Variants in CFAP58 observed in about 807,000 individuals in gnomAD.
CFAP58 encodes cilia- and flagella-associated protein 58.
In CFAP58, 88 loss-of-function variants were observed where a neutral mutation model predicts 119.5. That is an observed-to-expected ratio of 0.74 (90% CI 0.62 to 0.88). The LOEUF (loss-of-function observed/expected upper bound fraction) is 0.88, where lower values mean the gene tolerates loss of function less well. Ranked by LOEUF, CFAP58 falls within the 40% of genes least tolerant of loss-of-function variation. The pLI is 0.00. For synonymous variants in CFAP58, 365 were observed against 366.3 expected, an observed-to-expected ratio of 1.00 and a Z score of 0.04; for missense variants, 990 against 1,021.2, an observed-to-expected ratio of 0.97 and a Z score of 0.42.
chr10:104,350,993 G>A (rs1003291253), upstream of CFAP58, among the ~76,000 whole-genome samples: 1 of 152,150 alleles, frequency 6.6e-6, no homozygotes, highest in Non-Finnish European at 1.5e-5. Flanking sequence ...GGCCCTCTAG[G>A]TCTTTATTTT....
At chr10:104,424,860 T>C (rs543570164) in intron 15 of CFAP58, among the ~76,000 whole-genome samples, 1 of 152,262 alleles carries the variant, frequency 6.6e-6, no homozygotes, top group South Asian at 2.1e-4. Flanking sequence ...AAAGAGGACA[T>C]GTTTGGACTG....
At chr10:104,356,591 T>A (rs1248259319) in intron 1 of CFAP58, among the ~76,000 whole-genome samples, 1 of 152,230 alleles carries the variant, frequency 6.6e-6, no homozygotes. Context: ...CGTACTCCTT[T>A]GAATGTAATT....
chr10:104,357,852 TATATAC>T lies in CFAP58; in HGVS notation c.10-487_10-482del, dbSNP rs2014574991. Among the ~76,000 whole-genome samples, 15 of 43,992 alleles carry T rather than the reference TATATAC, an allele frequency of 3.4e-4. 1 individual carries two copies. Among genetic ancestry groups the T allele is most frequent in the African/African-American group, 1.0e-3 (12 of 11,458 alleles). 28.9% of individuals were successfully genotyped at this position (43,992 alleles called of 152,430 possible). On this transcript the variant is annotated intron_variant, in intron 1 of 17. Coordinates refer to ENST00000369704, the MANE Select transcript of CFAP58 (RefSeq NM_001008723.2). ...ACATATATGTACACATATGTACACA[TATATAC>T]ACATATATACACATATATGTACACA... is the stretch of plus-strand genomic sequence containing the variant.
intron 11 of CFAP58, among the ~76,000 whole-genome samples, chr10:104,397,479 T>C (rs978981819): frequency 2.0e-5 from 3 of 152,172 alleles, no homozygotes; most frequent in African/African-American, 7.2e-5. Context: ...TTTGGATAAG[T>C]CTGAGGTGTA....
At chr10:104,396,429 AG>A (rs1410538506) in intron 11 of CFAP58, among the ~76,000 whole-genome samples, 3 of 138,070 alleles carry the variant, frequency 2.2e-5, no homozygotes, top group Non-Finnish European at 4.6e-5. Context: ...AGAGAGAGAG[AG>A]AGAGAGAGAA....
At chr10:104,366,577 G>C (rs559738541) in intron 5 of CFAP58, among the ~76,000 whole-genome samples, 1 of 152,254 alleles carries the variant, frequency 6.6e-6, no homozygotes, top group African/African-American at 2.4e-5. Context: ...GACTTGTGAT[G>C]CCCAATATGG....
intron 1 of CFAP58, among the ~76,000 whole-genome samples, chr10:104,358,036 TACATATACAC>T: frequency 6.9e-6 from 1 of 145,714 alleles, no homozygotes; most frequent in African/African-American, 2.7e-5. Flanking sequence ...TATACATATG[TACATATACAC>T]ACATATATGT....
At chr10:104,423,143 T>C (rs1038099165) in intron 15 of CFAP58, among the ~76,000 whole-genome samples, 1 of 152,238 alleles carries the variant, frequency 6.6e-6, no homozygotes, top group African/African-American at 2.4e-5. Flanking sequence ...TATGGTTTGC[T>C]GTAGGACATA....
At chr10:104,441,140 T>A (rs2133091111) in intron 15 of CFAP58, among the ~76,000 whole-genome samples, 1 of 152,260 alleles carries the variant, frequency 6.6e-6, no homozygotes, top group Admixed American at 6.5e-5. Context: ...GTAGCTGGGA[T>A]TACAGGCGCC....
At chr10:104,410,946 T>C (rs2012450905) in intron 15 of CFAP58, among the ~76,000 whole-genome samples, 1 of 152,178 alleles carries the variant, frequency 6.6e-6, no homozygotes, top group Non-Finnish European at 1.5e-5. Context: ...TTTATTCATT[T>C]ATTTATTTTT....
intron 15 of CFAP58, among the ~76,000 whole-genome samples, chr10:104,433,660 T>C (rs2012886001): frequency 6.6e-6 from 1 of 152,062 alleles, no homozygotes; most frequent in Non-Finnish European, 1.5e-5. Context: ...GATCCAGCTA[T>C]TGCTGGGAGG....
chr10:104,351,948 A>C (rs1266572307), upstream of CFAP58: 1 of 152,204 alleles, frequency 6.6e-6, no homozygotes, highest in Non-Finnish European at 1.5e-5. Flanking sequence ...AAAGAAAAAG[A>C]AAAAAGATCA....
At chr10:104,422,127 T>G (rs1002110084) in intron 15 of CFAP58, among the ~76,000 whole-genome samples, 1 of 152,092 alleles carries the variant, frequency 6.6e-6, no homozygotes, top group Non-Finnish European at 1.5e-5. Context: ...TGAGTTGAGA[T>G]CACTCCACTG....
intron 7 of CFAP58, among the ~76,000 whole-genome samples, chr10:104,375,099 C>G (rs1409842115): frequency 3.3e-5 from 5 of 151,262 alleles, no homozygotes; most frequent in Admixed American, 3.3e-4. Flanking sequence ...AACCATAAAA[C>G]CAAGATTGAG....
chr10:104,442,203 T>G (rs758329524), intron 15 of CFAP58, among the ~76,000 whole-genome samples: 1 of 152,158 alleles, frequency 6.6e-6, no homozygotes, highest in African/African-American at 2.4e-5. Context: ...TTTTCAATTC[T>G]GGAAAAGAGT....
At chr10:104,353,655 A>T, upstream of CFAP58, 1 of 521,448 alleles carries the variant, frequency 1.9e-6, no homozygotes, top group Non-Finnish European at 3.5e-6. Context: ...ATATATTTGC[A>T]TATTTCTCTG....
intron 15 of CFAP58, among the ~76,000 whole-genome samples, chr10:104,416,229 C>T (rs924948357): frequency 3.9e-5 from 6 of 152,196 alleles, no homozygotes; most frequent in Non-Finnish European, 8.8e-5. Context: ...AGTGGAAGCA[C>T]ACTACCTAAT....
intron 3 of CFAP58, among the ~76,000 whole-genome samples, chr10:104,363,288 G>T (rs552422202): frequency 1.3e-5 from 2 of 152,332 alleles, no homozygotes; most frequent in South Asian, 4.1e-4. Flanking sequence ...AGCACTGTGT[G>T]GGGCATGCAA....
In CFAP58 at chr10:104,406,679, C is replaced by T. The variant is rs1407334430; in HGVS notation, c.2152-10C>T. 3 of 1,612,540 alleles carry T rather than the reference C, an allele frequency of 1.9e-6. No individual in the cohort carries two copies. In the African/African-American group the frequency reaches 4.0e-5, roughly 22 times the overall value. On this transcript the variant is annotated splice_polypyrimidine_tract_variant and intron_variant, in intron 14 of 17. Coordinates refer to ENST00000369704, the MANE Select transcript of CFAP58 (RefSeq NM_001008723.2). ...ATATCTCAGCTGCTATTGTTGTTCC[C>T]CTTGGACAGGCCAGCGACCCCAATG... is the stretch of plus-strand genomic sequence containing the variant.
Sources: gnomAD v4.1 joint callset for allele counts (sites outside exome capture counted in the v4.1 genomes callset) on GRCh38, gnomAD v4.1.1 for gene constraint, MANE v1.5 for transcripts, NCBI Gene and HGNC (gene_info 2026-07-23, HGNC 2026-07-21) for gene names.